ZC3H12B: variants seen among roughly 807,000 people sequenced by gnomAD.
ZC3H12B encodes probable ribonuclease ZC3H12B.
In ZC3H12B, 7 loss-of-function variants were observed where a neutral mutation model predicts 43.9. The observed-to-expected ratio is 0.16, with a 90% confidence interval of 0.09 to 0.30. The LOEUF (loss-of-function observed/expected upper bound fraction) is 0.30, where lower values mean the gene tolerates loss of function less well. Among genes scored for constraint, ZC3H12B ranks in the 10% least tolerant of loss-of-function variants. ZC3H12B has a pLI of 1.00. For synonymous variants in ZC3H12B, 222 were observed against 241.7 expected, an observed-to-expected ratio of 0.92 and a Z score of 0.76; for missense variants, 475 against 670.2, an observed-to-expected ratio of 0.71 and a Z score of 3.22.
chrX:65,354,956 A>G, the ZC3H12B span, among the ~76,000 whole-genome samples: 5 of 112,019 alleles, frequency 4.5e-5, no homozygotes, highest in Non-Finnish European at 7.5e-5. Flanking sequence ...GAAATATGGG[A>G]CTATGGGAAA....
the ZC3H12B span, among the ~76,000 whole-genome samples, chrX:65,248,774 C>T: frequency 8.9e-6 from 1 of 111,802 alleles, no homozygotes; most frequent in African/African-American, 3.3e-5. Context: ...TATGGCCATT[C>T]GTGCAGGACT....
At chrX:65,126,293 C>T in the ZC3H12B span, among the ~76,000 whole-genome samples, 1 of 110,594 alleles carries the variant, frequency 9.0e-6, no homozygotes, top group Non-Finnish European at 1.9e-5. Context: ...TTGTTTTGTT[C>T]CAGGAGGCTA....
At chrX:65,241,555 A>T in the ZC3H12B span, among the ~76,000 whole-genome samples, 1 of 112,218 alleles carries the variant, frequency 8.9e-6, no homozygotes, top group East Asian at 2.8e-4. Context: ...GTGAGGAGGA[A>T]TTGATTGGAG....
the ZC3H12B span, among the ~76,000 whole-genome samples, chrX:65,182,732 A>C: frequency 3.8e-3 from 425 of 111,041 alleles, no homozygotes; most frequent in African/African-American, 0.013. Context: ...AAAAAAAAAA[A>C]CAAAAAACCC....
chrX:65,302,748 T>C, the ZC3H12B span, among the ~76,000 whole-genome samples: 2 of 111,900 alleles, frequency 1.8e-5, no homozygotes, highest in African/African-American at 6.5e-5. Context: ...ATTACCTGCA[T>C]TCAAGTCTTA....
At chrX:65,310,237 A>T in the ZC3H12B span, among the ~76,000 whole-genome samples, 1 of 111,941 alleles carries the variant, frequency 8.9e-6, no homozygotes, top group Non-Finnish European at 1.9e-5. Context: ...ATGTGATTGT[A>T]TAATTTAGAA....
the ZC3H12B span, among the ~76,000 whole-genome samples, chrX:65,205,532 G>A: frequency 9.0e-6 from 1 of 111,488 alleles, no homozygotes; most frequent in Admixed American, 9.6e-5. Context: ...ATACCTTGAT[G>A]TAATAAAAGC....
At chrX:65,291,115 T>C in the ZC3H12B span, among the ~76,000 whole-genome samples, 4 of 111,146 alleles carry the variant, frequency 3.6e-5, no homozygotes, top group African/African-American at 1.3e-4. Flanking sequence ...CTTCACATCT[T>C]TTGTGATGGC....
chrX:65,082,021 A>C, the ZC3H12B span, among the ~76,000 whole-genome samples: 2 of 112,176 alleles, frequency 1.8e-5, no homozygotes, highest in Non-Finnish European at 3.8e-5. Context: ...CTCCTGAATG[A>C]CCAGTGGTCA....
the ZC3H12B span, among the ~76,000 whole-genome samples, chrX:65,344,461 C>T: frequency 8.9e-6 from 1 of 111,972 alleles, no homozygotes; most frequent in Non-Finnish European, 1.9e-5. Flanking sequence ...TAAAAACAAG[C>T]TATGGGAAAA....
At chrX:65,430,046 C>A (rs753049950) in intron 3 of ZC3H12B, among the ~76,000 whole-genome samples, 1 of 112,603 alleles carries the variant, frequency 8.9e-6, no homozygotes, top group Admixed American at 9.3e-5. Context: ...AGGGGGCCTG[C>A]AGAATTATGC....
chrX:65,270,673 A>T, the ZC3H12B span, among the ~76,000 whole-genome samples: 1 of 112,508 alleles, frequency 8.9e-6, no homozygotes, highest in Non-Finnish European at 1.9e-5. Flanking sequence ...AATAGAAAAA[A>T]AAAATGCATG....
At chrX:65,349,827 C>G in the ZC3H12B span, among the ~76,000 whole-genome samples, 1 of 111,690 alleles carries the variant, frequency 9.0e-6, no homozygotes, top group African/African-American at 3.3e-5. Context: ...CCTGAATAAA[C>G]CAATAACAAG....
chrX:65,081,299 A>T, the ZC3H12B span, among the ~76,000 whole-genome samples: 2 of 111,284 alleles, frequency 1.8e-5, no homozygotes, highest in Non-Finnish European at 3.8e-5. Context: ...ATAACATCAA[A>T]TGTAAATGGA....
the ZC3H12B span, chrX:65,328,171 T>A: frequency 9.1e-6 from 2 of 219,287 alleles, no homozygotes; most frequent in South Asian, 1.6e-4. Flanking sequence ...ATAATCTCAG[T>A]AGATATGGCA....
At chrX:65,359,860 A>G in the ZC3H12B span, among the ~76,000 whole-genome samples, 2 of 112,264 alleles carry the variant, frequency 1.8e-5, no homozygotes, top group African/African-American at 6.5e-5. Context: ...AATGTTATCA[A>G]CCAGAATCAC....
At chrX:65,169,109 C>A in the ZC3H12B span, among the ~76,000 whole-genome samples, 1 of 111,323 alleles carries the variant, frequency 9.0e-6, no homozygotes, top group African/African-American at 3.3e-5. Context: ...TTCTCTGGTT[C>A]TTTTAATTGT....
intron 3 of ZC3H12B, among the ~76,000 whole-genome samples, chrX:65,403,089 G>A (rs771595934): frequency 5.4e-5 from 6 of 112,092 alleles, no homozygotes; most frequent in Non-Finnish European, 1.1e-4. Flanking sequence ...ATAACACAGA[G>A]AAGAAATTCA....
intron 3 of ZC3H12B, among the ~76,000 whole-genome samples, chrX:65,427,385 G>C (rs1369285006): frequency 9.0e-6 from 1 of 110,830 alleles, no homozygotes. Flanking sequence ...CTGGAGAGTA[G>C]TGGTATAATC....
Sources: gnomAD v4.1 joint callset for allele counts (sites outside exome capture counted in the v4.1 genomes callset) on GRCh38, gnomAD v4.1.1 for gene constraint, MANE v1.5 for transcripts, NCBI Gene and HGNC (gene_info 2026-07-23, HGNC 2026-07-21) for gene names.